Variants in RALGDS observed in about 807,000 individuals in gnomAD.
RALGDS encodes the protein ral guanine nucleotide dissociation stimulator.
Under a neutral mutation model 99.8 loss-of-function variants are expected in RALGDS, and 44 were observed. The observed-to-expected ratio is 0.44, with a 90% CI of 0.35 to 0.57. The LOEUF (loss-of-function observed/expected upper bound fraction) is 0.57, where lower values mean the gene tolerates loss of function less well. Ranked by LOEUF, RALGDS falls within the 20% of genes least tolerant of loss-of-function variation. The probability of loss-of-function intolerance (pLI) is 0.01; values close to 1 mark genes in which losing one functional copy is unlikely to be tolerated. For synonymous variants in RALGDS, 529 were observed against 505.0 expected (o/e 1.05, Z -0.64); for missense variants, 1,022 against 1,203.1 (o/e 0.85, Z 2.23).
At chr9:133,101,494 C>T in intron 16 of RALGDS, 26 bp downstream of exon 16, 1 of 1,609,998 alleles carries the variant, frequency 6.2e-7, no homozygotes, top group Non-Finnish European at 8.5e-7. Context: ...TGGAGGGAGG[C>T]ACCCAGGCCA....
chr9:133,105,572 CTG>C (rs955380669), intron 9 of RALGDS, among the ~76,000 whole-genome samples: 8 of 152,118 alleles, frequency 5.3e-5, no homozygotes, highest in Admixed American at 1.3e-4. Context: ...CGGGGACAGA[CTG>C]GGCCGGTGTG....
At chr9:133,139,645 C>T (rs1048375604) in intron 1 of RALGDS, among the ~76,000 whole-genome samples, 7 of 152,128 alleles carry the variant, frequency 4.6e-5, no homozygotes, top group Non-Finnish European at 8.8e-5. Flanking sequence ...TCCTCGGGGC[C>T]GTAGTTCCCC....
intron 1 of RALGDS, among the ~76,000 whole-genome samples, chr9:133,112,849 G>A (rs1831418836): frequency 6.6e-6 from 1 of 152,192 alleles, no homozygotes; most frequent in Non-Finnish European, 1.5e-5. Context: ...GGCAATGGGA[G>A]TTCCCAGTTC....
At chr9:133,125,351 C>A (rs1832115567), upstream of RALGDS, among the ~76,000 whole-genome samples, 1 of 152,172 alleles carries the variant, frequency 6.6e-6, no homozygotes, top group Non-Finnish European at 1.5e-5. Context: ...ACAAGAGTGG[C>A]CCTGCACCGA....
rs553077020 is a variant in RALGDS at position 133,105,175 on chromosome 9, C to T, written c.1602+757G>A. ...GGTGTCCCAGGAGCCCCCTGCGATG[C>T]TCCCCTGTAGGGAACTCTGTGTGTG... On this transcript the variant is annotated intron_variant, in intron 9 of 17. Transcript: ENST00000372050. Among the ~76,000 whole-genome samples the T allele has an allele frequency of 3.9e-5, 6 of 152,296 alleles. 1 individual carries two copies. In the South Asian group the frequency reaches 8.3e-4, roughly 21 times the overall value.
At position 133,102,064 on chromosome 9, in the gene RALGDS, G is replaced by T; in HGVS notation, c.2085C>A (p.Gly695=). The change falls in exon 15 of 18, where the codon GGC becomes GGA. Residue 695 remains glycine, a synonymous_variant. Coordinates refer to ENST00000372050, the MANE Select transcript of RALGDS (RefSeq NM_006266.4). ...CGATGTCCCCGCTGCTGAGGTAGGG[G>T]CCACACCTGAGCTGGTCACAGGACT... The part of the protein sequence containing the change: ...HSKSCDQLRC[G]PYLSSGDIAD... 6.4e-7 allele frequency: 1 copy of T among 1,567,480 alleles called. No homozygotes were observed. The highest frequency in any genetic ancestry group is 8.7e-7 in the Non-Finnish European group (1 of 1,155,704).
rs1357505086 is a variant in RALGDS at position 133,144,462 on chromosome 9, G to A, written c.18+4501C>T. ...GCCCCGCCTGGTTTGATTTCCTCCC[G>A]TGTGTGTCACCCATGAGGTGGCCGT... On this transcript the variant is annotated intron_variant, in intron 1 of 17. Transcript: ENST00000393160. This position sits in a 1 kb window ranked among gnomAD's most constrained non-coding sequence, Gnocchi z 4.5. Among the ~76,000 whole-genome samples the A allele has an allele frequency of 6.6e-6, 1 of 152,162 alleles. No individual in the cohort carries two copies. Among genetic ancestry groups the A allele is most frequent in the Non-Finnish European group, 1.5e-5 (1 of 68,020 alleles).
intron 1 of RALGDS, among the ~76,000 whole-genome samples, chr9:133,138,703 C>T (rs539521459): frequency 8.7e-4 from 132 of 152,322 alleles, no homozygotes; most frequent in Non-Finnish European, 1.5e-3. Flanking sequence ...GGAGTGATCT[C>T]GGCTCGCTGC....
intron 9 of RALGDS, 80 bp downstream of exon 9, chr9:133,105,852 C>CG (rs1831010016): frequency 7.2e-5 from 1 of 13,890 alleles, no homozygotes; most frequent in African/African-American, 1.6e-4. Context: ...CGCCCCAGCC[C>CG]CCGCCCCAGC....
chr9:133,101,956 A>T lies in RALGDS; in HGVS notation c.2193T>A (p.Pro731=). 6.4e-7 allele frequency: 1 copy of T among 1,551,332 alleles called. No homozygotes were observed. Among genetic ancestry groups the T allele is most frequent in the Non-Finnish European group, 8.7e-7 (1 of 1,147,120 alleles). The change falls in exon 15 of 18, where the codon CCT becomes CCA. Residue 731 remains proline (P), a synonymous_variant. Transcript: ENST00000372050. The stretch of plus-strand genomic sequence containing the variant: ...CAGTCACCTTCTTTTCCTGGCCATC[A>T]GGAGACTCCGGGACGAAGCTGATGT... ...EINISFVPES[P]DGQEKKFWES... is the part of the protein sequence containing the mutation.
intron 1 of RALGDS, among the ~76,000 whole-genome samples, chr9:133,146,726 CTT>C (rs1166736157): frequency 6.6e-6 from 1 of 152,236 alleles, no homozygotes; most frequent in Non-Finnish European, 1.5e-5. Flanking sequence ...CTTGTTTGCT[CTT>C]GTTTTCCTCC....
upstream of RALGDS, among the ~76,000 whole-genome samples, chr9:133,133,011 G>A (rs1564252403): frequency 6.6e-6 from 1 of 152,222 alleles, no homozygotes; most frequent in African/African-American, 2.4e-5. Flanking sequence ...CCCTGCTGGT[G>A]TGTTTGTGAG....
intron 11 of RALGDS, 57 bp downstream of exon 11, chr9:133,103,690 G>A (rs993251384): frequency 1.3e-6 from 2 of 1,557,956 alleles, no homozygotes; most frequent in Non-Finnish European, 8.8e-7. Context: ...CAGCCCCCAG[G>A]GCTCAGGGAA....
chr9:133,149,135 C>T (rs1361446464), exon 1 of RALGDS: 1 of 242,310 alleles, frequency 4.1e-6, no homozygotes, highest in African/African-American at 2.3e-5. Flanking sequence ...CTGCGGCCCT[C>T]GGGGCCGCCC....
intron 1 of RALGDS, among the ~76,000 whole-genome samples, chr9:133,115,492 G>A (rs1028583559): frequency 6.6e-6 from 1 of 152,260 alleles, no homozygotes; most frequent in African/African-American, 2.4e-5. Context: ...AGGTCACCCC[G>A]GGGTGCTTGC....
intron 2 of RALGDS, among the ~76,000 whole-genome samples, chr9:133,111,246 G>A (rs569128852): frequency 6.6e-6 from 1 of 152,294 alleles, no homozygotes; most frequent in African/African-American, 2.4e-5. Context: ...TTATCCAGGG[G>A]CTGGGAGGGA....
rs371672965 is a variant in RALGDS at position 133,100,271 on chromosome 9, G to A, written c.2566C>T (p.Arg856Trp). 17 of 1,613,852 alleles carry A rather than the reference G, an allele frequency of 1.1e-5. No individual in the cohort carries two copies. Among genetic ancestry groups the A allele is most frequent in the South Asian group, 3.3e-5 (3 of 91,078 alleles). The change falls in exon 17 of 18, where the codon CGG (arginine) becomes TGG (tryptophan). Residue 856 changes from arginine to tryptophan, a missense_variant. Arg to Trp is a moderately radical substitution (Grantham distance 101). Coordinates refer to ENST00000372050, the MANE Select transcript of RALGDS (RefSeq NM_006266.4). ...GCCCTCTGGTCTTCTGACTTACTCC[G>A]GTCATCTGAGAGAATCTGCAGCAGC... ...YELLQILSDD[R>W]KLKIPENANV...
intron 1 of RALGDS, among the ~76,000 whole-genome samples, chr9:133,141,638 G>A (rs144951788): frequency 6.6e-6 from 1 of 152,368 alleles, no homozygotes; most frequent in Non-Finnish European, 1.5e-5. Context: ...CCTGATGGCC[G>A]AGGTGGATGC....
At position 133,105,921 on chromosome 9, in the gene RALGDS, C is replaced by A; in HGVS notation, c.1602+11G>T. 1 of 1,450,594 alleles carries A rather than the reference C, an allele frequency of 6.9e-7. No homozygotes were observed. The highest frequency in any genetic ancestry group is 9.3e-7 in the Non-Finnish European group (1 of 1,077,568). The allele number at this position is 1,450,594 out of a possible 1,614,324, so 89.9% of individuals were successfully genotyped here. On this transcript the variant is annotated intron_variant, in intron 9 of 17. Coordinates refer to ENST00000372050, the MANE Select transcript of RALGDS (RefSeq NM_006266.4). ...CGCCCCAGCCCCCGCCCCAGCCTGCCGCCACTCCACCTTGATGAGCAGCTC... is the reference window on the plus strand; with the variant it reads ...CGCCCCAGCCCCCGCCCCAGCCTGCAGCCACTCCACCTTGATGAGCAGCTC...
Sources: allele counts gnomAD v4.1 joint callset (sites outside exome capture counted in the v4.1 genomes callset), GRCh38; gene constraint gnomAD v4.1.1; non-coding constraint Gnocchi (gnomAD v3.1); transcripts MANE v1.5; gene names NCBI Gene and HGNC (gene_info 2026-07-23, HGNC 2026-07-21).